Variants in PEX5L observed in about 807,000 individuals in gnomAD.
PEX5L encodes PEX5-related protein.
In PEX5L, 30 loss-of-function variants were observed where a neutral mutation model predicts 84.0. The ratio of observed to expected loss-of-function variants is 0.36; its 90% CI spans 0.27 to 0.48. PEX5L has a LOEUF of 0.48. PEX5L is among the 20% of genes least tolerant of loss of function. The probability of loss-of-function intolerance (pLI) is 0.99; values close to 1 mark genes in which losing one functional copy is unlikely to be tolerated. For missense variants in PEX5L, 533 were observed against 754.6 expected, an observed-to-expected ratio of 0.71 and a Z score of 3.44; for synonymous variants, 270 against 283.1, an observed-to-expected ratio of 0.95 and a Z score of 0.46.
intron 2 of PEX5L, among the ~76,000 whole-genome samples, chr3:179,961,937 A>C (rs1425641751): frequency 2.7e-5 from 2 of 73,182 alleles, no homozygotes; most frequent in Non-Finnish European, 6.0e-5. Context: ...AACCAGGTGG[A>C]GAGGCCCTGA....
chr3:179,804,887 G>A (rs978408473), intron 14 of PEX5L, among the ~76,000 whole-genome samples: 13 of 152,294 alleles, frequency 8.5e-5, no homozygotes, highest in African/African-American at 2.9e-4. Context: ...GGGAGGCTGA[G>A]GCAGGCAGAT....
chr3:179,828,591 G>A (rs981470298), intron 8 of PEX5L, among the ~76,000 whole-genome samples: 6 of 152,020 alleles, frequency 3.9e-5, no homozygotes, highest in African/African-American at 9.7e-5. Context: ...ATATGTTAAT[G>A]TATATTTTAA....
chr3:179,872,393 A>T (rs1010809279), intron 7 of PEX5L, among the ~76,000 whole-genome samples: 1 of 152,172 alleles, frequency 6.6e-6, no homozygotes, highest in Non-Finnish European at 1.5e-5. Context: ...CAATGTTTTT[A>T]AAAAAACAAA....
Position 179,797,793 on chromosome 3 carries a change from T to C in PEX5L, c.*4035A>G, listed in dbSNP as rs573610471. On this transcript the variant is annotated 3_prime_UTR_variant, in exon 15 of 15. Coordinates refer to ENST00000467460, the MANE Select transcript of PEX5L (RefSeq NM_016559.3). ...TGTAATAATTTCTAAAATAAGAGGG[T>C]TCAAAAAGGATGGCATATAAAGTAA... 6.6e-6 allele frequency: 1 copy of C among 151,546 alleles called. No individual in the cohort carries two copies. The highest frequency in any genetic ancestry group is 1.9e-4 in the East Asian group (1 of 5,154). The allele number at this position is 151,546 out of a possible 1,614,324, so 9.4% of individuals were successfully genotyped here. A position where few individuals can be genotyped will look rare whatever the true frequency, so the allele number is the denominator to read the frequency against.
intron 8 of PEX5L, among the ~76,000 whole-genome samples, chr3:179,858,507 G>T (rs1338064483): frequency 6.6e-6 from 1 of 151,468 alleles, no homozygotes; most frequent in Admixed American, 6.6e-5. Flanking sequence ...TTCCAATCAG[G>T]TATTCATTTG....
chr3:179,945,979 G>C (rs1339020071), intron 2 of PEX5L, among the ~76,000 whole-genome samples: 2 of 152,004 alleles, frequency 1.3e-5, no homozygotes, highest in Non-Finnish European at 2.9e-5. Context: ...AAGCCAAATT[G>C]AGTGTACAGA....
intron 14 of PEX5L, among the ~76,000 whole-genome samples, chr3:179,807,216 C>T (rs1721651240): frequency 1.3e-5 from 2 of 152,254 alleles, no homozygotes; most frequent in South Asian, 4.2e-4. Flanking sequence ...AAAACCTGGA[C>T]TCTTAGTTTT....
At chr3:180,032,053 T>G (rs1791514377) in intron 1 of PEX5L, among the ~76,000 whole-genome samples, 1 of 152,196 alleles carries the variant, frequency 6.6e-6, no homozygotes, top group Non-Finnish European at 1.5e-5. Flanking sequence ...ATTTTCAGAT[T>G]AATCAAGTAT....
intron 1 of PEX5L, among the ~76,000 whole-genome samples, chr3:179,977,580 G>C (rs1785927817): frequency 6.6e-6 from 1 of 152,180 alleles, no homozygotes; most frequent in Non-Finnish European, 1.5e-5. Flanking sequence ...GAGAAAACAG[G>C]AAGTAAGGAA....
chr3:179,981,225 C>A (rs2110330976), intron 1 of PEX5L, among the ~76,000 whole-genome samples: 1 of 152,040 alleles, frequency 6.6e-6, no homozygotes, highest in Middle Eastern at 3.4e-3. Context: ...AGAGGAAGGC[C>A]AAGTCTTGAA....
rs1241530775 is a variant in PEX5L, at chr3:179,880,089, A to C, written c.345T>G (p.Ser115Arg). 1.2e-6 allele frequency: 2 copies of C among 1,612,962 alleles called. No homozygotes were observed. Among genetic ancestry groups the C allele is most frequent in the South Asian group, 2.2e-5 (2 of 90,902 alleles). Residue 115 changes from serine (S) to arginine (R), a missense_variant, in exon 5 of 15, where the codon AGT (serine) becomes AGG (arginine). Ser to Arg is a moderately radical substitution (Grantham distance 110, BLOSUM62 -1). Transcript: ENST00000467460. The stretch of plus-strand genomic sequence containing the variant: ...TGGTTTGGGTTTGAGAGACTGGTTC[A>C]CTCAGGTCGAGGAGATCTAAGCCAG... ...LTTGLDLLDL[S>R]EPVSQTQTKA...
chr3:179,819,510 G>A (rs1289656446), intron 9 of PEX5L, among the ~76,000 whole-genome samples: 1 of 152,124 alleles, frequency 6.6e-6, no homozygotes, highest in African/African-American at 2.4e-5. Flanking sequence ...GCACTCACAT[G>A]ACTGGCTGAC....
chr3:179,880,427 C>T (rs1276597896), intron 4 of PEX5L, among the ~76,000 whole-genome samples: 2 of 152,148 alleles, frequency 1.3e-5, no homozygotes, highest in African/African-American at 4.8e-5. Flanking sequence ...TACTTTATTG[C>T]TTTGCTTTAT....
intron 1 of PEX5L, among the ~76,000 whole-genome samples, chr3:179,990,850 T>C (rs1450239275): frequency 6.6e-6 from 1 of 152,246 alleles, no homozygotes; most frequent in African/African-American, 2.4e-5. Context: ...ATTCTTATTT[T>C]ATTGATGAGG....
chr3:179,906,991 G>A (rs1031516080), intron 2 of PEX5L, among the ~76,000 whole-genome samples: 1 of 152,124 alleles, frequency 6.6e-6, no homozygotes, highest in Non-Finnish European at 1.5e-5. Flanking sequence ...AGGAAGTAGG[G>A]AAAGAGGTCT....
intron 9 of PEX5L, among the ~76,000 whole-genome samples, chr3:179,817,702 A>C (rs1197059405): frequency 6.6e-6 from 1 of 152,226 alleles, no homozygotes; most frequent in Non-Finnish European, 1.5e-5. Context: ...AGATACAAAT[A>C]AGCTAGTGTG....
chr3:180,018,889 GTTGT>G (rs1790179396), intron 1 of PEX5L, among the ~76,000 whole-genome samples: 2 of 151,968 alleles, frequency 1.3e-5, no homozygotes, highest in Non-Finnish European at 2.9e-5. Flanking sequence ...TGTTGTTGTT[GTTGT>G]TTGTTTGTTA....
intron 1 of PEX5L, among the ~76,000 whole-genome samples, chr3:180,014,972 A>G (rs1789819387): frequency 6.6e-6 from 1 of 152,214 alleles, no homozygotes; most frequent in Non-Finnish European, 1.5e-5. Flanking sequence ...CATTTTATTC[A>G]GCACTGACAT....
intron 1 of PEX5L, among the ~76,000 whole-genome samples, chr3:180,000,766 C>A (rs552721334): frequency 1.3e-5 from 2 of 152,206 alleles, no homozygotes; most frequent in South Asian, 4.1e-4. Flanking sequence ...GTATTGTTAA[C>A]TTTATGTAGT....
Sources: allele counts gnomAD v4.1 joint callset (sites outside exome capture counted in the v4.1 genomes callset), GRCh38; gene constraint gnomAD v4.1.1; transcripts MANE v1.5; gene names NCBI Gene and HGNC (gene_info 2026-07-23, HGNC 2026-07-21).